The following TUT7 variants were observed in gnomAD, a reference collection of about 807,000 sequenced individuals.
TUT7 encodes terminal uridylyl transferase 7, also known as terminal uridylyltransferase 7.
TUT7 carries 33 observed loss-of-function variants against 165.9 expected under a neutral mutation model. The observed-to-expected ratio is 0.20, with a 90% CI of 0.15 to 0.27. TUT7 has a LOEUF of 0.27. TUT7 is among the 10% of genes least tolerant of loss of function. The pLI, the probability that TUT7 is intolerant of heterozygous loss-of-function variation, is 1.00. For synonymous variants in TUT7, 552 were observed against 608.1 expected (o/e 0.91, Z 1.36); for missense variants, 1,338 against 1,762.3 (o/e 0.76, Z 4.31).
intron 17 of TUT7, among the ~76,000 whole-genome samples, chr9:86,312,811 AC>A (rs995908381): frequency 6.6e-6 from 1 of 151,980 alleles, no homozygotes; most frequent in Non-Finnish European, 1.5e-5. Flanking sequence ...CTGTGACCTT[AC>A]CCCCAACCCT....
chr9:86,346,362 C>G lies in TUT7; in HGVS notation c.639G>C (p.Glu213Asp), dbSNP rs777924923. 9.9e-6 allele frequency: 16 copies of G among 1,613,992 alleles called. No homozygotes were observed. The highest frequency in any genetic ancestry group is 1.4e-5 in the Non-Finnish European group (16 of 1,179,992). ...VIDESVLSTK[E>D]LLGLQQAEER... is the part of the protein sequence containing the mutation. Reference sequence around the variant, plus strand: ...CCTCAGCCTGCTGTAAGCCTAGCAGCTCCTTCGTTGAAAGTACAGACTCAT... The same window carrying G: ...CCTCAGCCTGCTGTAAGCCTAGCAGGTCCTTCGTTGAAAGTACAGACTCAT... Residue 213 changes from glutamate (E) to aspartate (D), a missense_variant, in exon 3 of 27, where the codon GAG becomes GAC. Glu to Asp is a conservative substitution (Grantham distance 45). This residue lies in a region of TUT7 where 434 missense variants were observed against 480.8 expected (regional missense o/e 0.90). Coordinates refer to ENST00000375963, the MANE Select transcript of TUT7 (RefSeq NM_024617.4).
intron 26 of TUT7, among the ~76,000 whole-genome samples, chr9:86,297,818 C>A (rs1003342351): frequency 7.9e-5 from 12 of 151,794 alleles, no homozygotes; most frequent in African/African-American, 2.2e-4. Flanking sequence ...GAGAAAAAAA[C>A]CAACAAAAAC....
chr9:86,341,879 A>G (rs113159392), intron 6 of TUT7, among the ~76,000 whole-genome samples: 1 of 152,088 alleles, frequency 6.6e-6, no homozygotes, highest in African/African-American at 2.4e-5. Flanking sequence ...AGCTCTCACT[A>G]TAATTACAAG....
chr9:86,352,212 G>A (rs1323297707), intron 2 of TUT7, among the ~76,000 whole-genome samples: 1 of 152,038 alleles, frequency 6.6e-6, no homozygotes, highest in Non-Finnish European at 1.5e-5. Flanking sequence ...CTTGTGGCAG[G>A]AGATATACGC....
intron 6 of TUT7, 27 bp downstream of exon 6, chr9:86,343,048 A>G: frequency 7.0e-7 from 1 of 1,426,256 alleles, no homozygotes; most frequent in Non-Finnish European, 9.8e-7. Flanking sequence ...CCACTCTGAA[A>G]GTGCCAGCAT....
At chr9:86,328,073 T>C (rs1469535878) in intron 11 of TUT7, among the ~76,000 whole-genome samples, 1 of 152,180 alleles carries the variant, frequency 6.6e-6, no homozygotes. Flanking sequence ...CTAAGCTCTT[T>C]GAGGATAGAT....
At chr9:86,340,224 A>G in intron 7 of TUT7, 119 bp from the exon 8 acceptor site, 1 of 774,876 alleles carries the variant, frequency 1.3e-6, no homozygotes, top group Middle Eastern at 2.4e-4. Context: ...AAAGACCACT[A>G]CTAAATAATG....
intron 26 of TUT7, among the ~76,000 whole-genome samples, chr9:86,295,763 A>T (rs1422636931): frequency 1.3e-5 from 2 of 152,174 alleles, no homozygotes; most frequent in Admixed American, 6.5e-5. Flanking sequence ...GCAAAAAGAC[A>T]TCCACCAATC....
At chr9:86,295,366 C>T (rs549853497) in intron 26 of TUT7, among the ~76,000 whole-genome samples, 3 of 152,144 alleles carry the variant, frequency 2.0e-5, no homozygotes, top group Non-Finnish European at 4.4e-5. Flanking sequence ...CAAGAAATTA[C>T]ATGCTTTGCA....
At chr9:86,305,056 G>A in intron 23 of TUT7, 109 bp from the exon 24 acceptor site, 1 of 1,179,974 alleles carries the variant, frequency 8.5e-7, no homozygotes, top group African/African-American at 1.6e-5. Context: ...AGCACTCTGG[G>A]AGGCTGGGGT....
rs751777677 is a variant in TUT7, at chr9:86,323,871, T to G, written c.1879A>C (p.Lys627Gln). Residue 627 changes from lysine to glutamine, a missense_variant, in exon 13 of 27, where the codon AAG (lysine) becomes CAG (glutamine). Lys to Gln is a moderately conservative substitution (Grantham distance 53). Coordinates refer to ENST00000375963, the MANE Select transcript of TUT7 (RefSeq NM_024617.4). ...YILHCLRTTY[K>Q]YFALPHKITK... is the part of the protein sequence containing the mutation. The stretch of plus-strand genomic sequence containing the variant: ...ATTTTGTGTGGAAGAGCAAAATACT[T>G]GTATGTTGTCCTTAAACAATGAAGT... 3.3e-5 allele frequency: 53 copies of G among 1,613,972 alleles called. No homozygotes were observed. The highest frequency in any genetic ancestry group is 4.4e-5 in the Non-Finnish European group (52 of 1,179,960).
intron 26 of TUT7, among the ~76,000 whole-genome samples, chr9:86,292,848 G>A (rs1467623522): frequency 6.6e-6 from 1 of 152,064 alleles, no homozygotes; most frequent in East Asian, 1.9e-4. Flanking sequence ...ACTGCTACTT[G>A]CCCGTTTCTG....
chr9:86,344,862 A>G, intron 5 of TUT7, 115 bp downstream of exon 5: 1 of 1,058,228 alleles, frequency 9.4e-7, no homozygotes, highest in Non-Finnish European at 1.3e-6. Context: ...AATAGAAAAC[A>G]CAAGAGCTTC....
intron 26 of TUT7, among the ~76,000 whole-genome samples, chr9:86,295,085 A>G (rs917017087): frequency 3.3e-5 from 5 of 150,144 alleles, no homozygotes; most frequent in Non-Finnish European, 7.5e-5. Flanking sequence ...ATATTTGAAA[A>G]TATGTGTAAT....
At chr9:86,300,605 A>G (rs1265333812) in intron 26 of TUT7, among the ~76,000 whole-genome samples, 1 of 152,230 alleles carries the variant, frequency 6.6e-6, no homozygotes, top group Non-Finnish European at 1.5e-5. Flanking sequence ...GGTGCCCACA[A>G]TAGACATTTC....
At chr9:86,327,868 A>G (rs992286200) in intron 11 of TUT7, among the ~76,000 whole-genome samples, 1 of 152,204 alleles carries the variant, frequency 6.6e-6, no homozygotes, top group African/African-American at 2.4e-5. Context: ...TCTTATTCTT[A>G]TTACTAGGAT....
chr9:86,346,058 A>C (rs968688685), intron 3 of TUT7, among the ~76,000 whole-genome samples: 1 of 152,142 alleles, frequency 6.6e-6, no homozygotes, highest in African/African-American at 2.4e-5. Flanking sequence ...CTTCTTCTTC[A>C]CTTTTAAAAT....
At chr9:86,317,674 C>T (rs1435267281) in intron 16 of TUT7, among the ~76,000 whole-genome samples, 1 of 152,136 alleles carries the variant, frequency 6.6e-6, no homozygotes, top group Non-Finnish European at 1.5e-5. Context: ...TCTAAGCAGA[C>T]CTTCTATAGT....
chr9:86,336,480 C>T (rs528308078), intron 10 of TUT7, among the ~76,000 whole-genome samples: 36 of 152,318 alleles, frequency 2.4e-4, no homozygotes, highest in Non-Finnish European at 4.3e-4. Context: ...AGTTATTCTA[C>T]TTCAGTCTTT....
Sources: allele counts gnomAD v4.1 joint callset (sites outside exome capture counted in the v4.1 genomes callset), GRCh38; gene constraint gnomAD v4.1.1; regional missense constraint gnomAD v4.1.1; transcripts MANE v1.5; gene names NCBI Gene and HGNC (gene_info 2026-07-23, HGNC 2026-07-21).